GPLD1: variants seen among roughly 807,000 people sequenced by gnomAD.
GPLD1 encodes phosphatidylinositol-glycan-specific phospholipase D.
A neutral mutation model predicts 112.6 loss-of-function variants in GPLD1; 84 were observed. That is an observed-to-expected ratio of 0.75 (90% CI 0.63 to 0.89). The LOEUF is 0.89. Among genes scored for constraint, GPLD1 ranks in the 40% least tolerant of loss-of-function variants. GPLD1 has a pLI of 0.00. For missense variants in GPLD1, 1,044 were observed against 1,051.5 expected (o/e 0.99, Z 0.10); for synonymous variants, 386 against 403.8 (o/e 0.96, Z 0.53).
In GPLD1 at chr6:24,456,573, G is replaced by C. The variant is rs1763275948; in HGVS notation, c.1073C>G (p.Ser358Cys). 1.2e-6 allele frequency: 2 copies of C among 1,603,874 alleles called. No individual in the cohort carries two copies. Among genetic ancestry groups the C allele is most frequent in the Admixed American group, 1.7e-5 (1 of 59,984 alleles). ...GGAGACGTGCTTTTGTGACAACTGA[G>C]AGCCACCTATGAACATTGTCCTTAT... ...RNIRTMFIGG[S>C]QLSQKHVSSP... Residue 358 changes from serine (S) to cysteine (C), a missense_variant, in exon 13 of 25, where the codon TCT becomes TGT. Coordinates refer to ENST00000230036, the MANE Select transcript of GPLD1 (RefSeq NM_001503.4).
intron 2 of GPLD1, among the ~76,000 whole-genome samples, chr6:24,482,805 A>C (rs1026252167): frequency 6.6e-6 from 1 of 152,106 alleles, no homozygotes; most frequent in African/African-American, 2.4e-5. Context: ...CAAAAAATTT[A>C]AAAATTAGCC....
chr6:24,472,916 C>T (rs1436305741), intron 6 of GPLD1, among the ~76,000 whole-genome samples: 1 of 151,910 alleles, frequency 6.6e-6, no homozygotes, highest in African/African-American at 2.4e-5. Context: ...GCTGGGATTA[C>T]AGGCATGCGC....
intron 7 of GPLD1, among the ~76,000 whole-genome samples, chr6:24,471,676 G>A (rs1336504761): frequency 6.6e-6 from 1 of 152,168 alleles, no homozygotes; most frequent in Non-Finnish European, 1.5e-5. Context: ...AGCTTTAGAA[G>A]TCCATGTAAG....
chr6:24,478,894 T>C (rs570998477), intron 3 of GPLD1, among the ~76,000 whole-genome samples: 16 of 152,300 alleles, frequency 1.1e-4, no homozygotes, highest in Non-Finnish European at 1.8e-4. Flanking sequence ...GTGTGACTTC[T>C]GGGTCCTGCT....
At chr6:24,444,564 T>C (rs1227145335) in intron 20 of GPLD1, among the ~76,000 whole-genome samples, 1 of 152,100 alleles carries the variant, frequency 6.6e-6, no homozygotes, top group Non-Finnish European at 1.5e-5. Context: ...AAAGTATGTT[T>C]TCAGGGGTGG....
upstream of GPLD1, among the ~76,000 whole-genome samples, chr6:24,491,935 A>G (rs79254785): frequency 0.015 from 2,317 of 152,312 alleles, 30 homozygotes; most frequent in Non-Finnish European, 0.022. Context: ...AACATCAAAG[A>G]TATGACTTTA....
Position 24,488,419 on chromosome 6 carries a change from A to T in GPLD1, c.97+996T>A, listed in dbSNP as rs567752370. 5.9e-5 allele frequency among the ~76,000 whole-genome samples: 9 copies of T among 152,306 alleles called. 1 individual carries two copies. Among genetic ancestry groups the T allele is most frequent in the African/African-American group, 1.9e-4 (8 of 41,554 alleles). On this transcript the variant is annotated intron_variant, in intron 1 of 24. Transcript: ENST00000230036. ...AGAGCGAGACTCCGTCTCAAAAAAA[A>T]AAAAAAGAAAACTCAGAACATCAGG... is the stretch of plus-strand genomic sequence containing the variant.
chr6:24,476,507 A>G (rs1764025400), intron 3 of GPLD1, among the ~76,000 whole-genome samples: 1 of 152,172 alleles, frequency 6.6e-6, no homozygotes, highest in Non-Finnish European at 1.5e-5. Context: ...CCCTACAGTA[A>G]GAGGGACGGA....
At chr6:24,444,988 A>G (rs766618605) in intron 20 of GPLD1, among the ~76,000 whole-genome samples, 9 of 152,198 alleles carry the variant, frequency 5.9e-5, no homozygotes, top group Non-Finnish European at 1.0e-4. Context: ...ATTTTCAACA[A>G]AGCTTTGAAA....
chr6:24,455,987 C>A (rs1763252337), intron 13 of GPLD1, among the ~76,000 whole-genome samples: 1 of 151,924 alleles, frequency 6.6e-6, no homozygotes, highest in African/African-American at 2.4e-5. Context: ...CCAGCCTGGG[C>A]AACATAGCAA....
intron 7 of GPLD1, among the ~76,000 whole-genome samples, chr6:24,472,054 AAG>A (rs1005773866): frequency 6.6e-5 from 10 of 152,256 alleles, no homozygotes; most frequent in Non-Finnish European, 8.8e-5. Context: ...ACAAACTGAC[AAG>A]AGAGTAGAAG....
intron 13 of GPLD1, among the ~76,000 whole-genome samples, chr6:24,455,546 AT>A (rs1413451074): frequency 1.3e-5 from 2 of 151,926 alleles, no homozygotes; most frequent in Admixed American, 6.6e-5. Flanking sequence ...TTATTTTTTT[AT>A]TTATTTTGGG....
intron 22 of GPLD1, among the ~76,000 whole-genome samples, chr6:24,434,837 C>CAAAAAAAAAAAAAAAAAA (rs747085341): frequency 1.5e-5 from 1 of 65,470 alleles, no homozygotes; most frequent in Non-Finnish European, 3.1e-5. Flanking sequence ...GACTCCGTCT[C>CAAAAAAAAAAAAAAAAAA]AAAAAAAAAA....
At chr6:24,451,626 G>A (rs1162779740) in intron 14 of GPLD1, among the ~76,000 whole-genome samples, 5 of 152,172 alleles carry the variant, frequency 3.3e-5, no homozygotes, top group Admixed American at 6.5e-5. Context: ...ATGAGCCACC[G>A]CGCCCGGCCA....
chr6:24,453,463 G>A (rs1763159554), intron 14 of GPLD1, among the ~76,000 whole-genome samples: 1 of 151,972 alleles, frequency 6.6e-6, no homozygotes, highest in East Asian at 1.9e-4. Context: ...TGGCAAAACT[G>A]CATCTCTACT....
At chr6:24,429,776 G>A (rs780548168) in intron 24 of GPLD1, among the ~76,000 whole-genome samples, 8 of 152,140 alleles carry the variant, frequency 5.3e-5, no homozygotes, top group East Asian at 1.9e-4. Flanking sequence ...TCGAACTCCC[G>A]ACCTCAAGTG....
At chr6:24,452,293 A>C (rs924390362) in intron 14 of GPLD1, among the ~76,000 whole-genome samples, 4 of 152,206 alleles carry the variant, frequency 2.6e-5, no homozygotes, top group Non-Finnish European at 5.9e-5. Context: ...GAGAAGTAAG[A>C]AGCAACAAGA....
chr6:24,468,970 G>C (rs986883725), intron 7 of GPLD1, among the ~76,000 whole-genome samples: 4 of 152,202 alleles, frequency 2.6e-5, no homozygotes, highest in Non-Finnish European at 5.9e-5. Context: ...ACTTGTCTCA[G>C]ATACTTCTTG....
intron 3 of GPLD1, among the ~76,000 whole-genome samples, chr6:24,476,534 G>A (rs1296704882): frequency 1.3e-5 from 2 of 152,122 alleles, no homozygotes; most frequent in African/African-American, 2.4e-5. Flanking sequence ...ACTGGCTCAC[G>A]GAATCGCAAG....
Sources: allele counts gnomAD v4.1 joint callset (sites outside exome capture counted in the v4.1 genomes callset), GRCh38; gene constraint gnomAD v4.1.1; transcripts MANE v1.5; gene names NCBI Gene and HGNC (gene_info 2026-07-23, HGNC 2026-07-21).